Variants in NALF1 observed in about 807,000 individuals in gnomAD.
NALF1 encodes the protein NALCN channel auxiliary factor 1.
NALF1 carries 3 observed loss-of-function variants against 48.4 expected under a neutral mutation model. The ratio of observed to expected loss-of-function variants is 0.06; its 90% CI spans 0.03 to 0.16. NALF1 has a LOEUF of 0.16. NALF1 is among the 10% of genes least tolerant of loss of function. The pLI is 1.00. For missense variants in NALF1, 526 were observed against 571.5 expected, an observed-to-expected ratio of 0.92 and a Z score of 0.81; for synonymous variants, 262 against 245.7, an observed-to-expected ratio of 1.07 and a Z score of -0.62.
intron 2 of NALF1, among the ~76,000 whole-genome samples, chr13:107,180,716 CTTT>C (rs1879043670): frequency 6.6e-6 from 1 of 151,546 alleles, no homozygotes; most frequent in Non-Finnish European, 1.5e-5. Context: ...CTTTGCTGTT[CTTT>C]GACTTTCCAG....
intron 1 of NALF1, among the ~76,000 whole-genome samples, chr13:107,410,921 G>C (rs768759069): frequency 5.9e-5 from 9 of 152,092 alleles, no homozygotes; most frequent in Non-Finnish European, 8.8e-5. Flanking sequence ...CCCAGTTCAC[G>C]GGAGTTCCAC....
intron 1 of NALF1, among the ~76,000 whole-genome samples, chr13:107,444,483 T>C (rs1434186991): frequency 1.3e-5 from 2 of 151,726 alleles, no homozygotes; most frequent in Admixed American, 6.6e-5. Context: ...TATCTTAGTA[T>C]ACTTATTCTA....
chr13:107,500,289 A>C (rs1368353703), intron 1 of NALF1, among the ~76,000 whole-genome samples: 1 of 152,150 alleles, frequency 6.6e-6, no homozygotes, highest in Non-Finnish European at 1.5e-5. Flanking sequence ...ATTTTTTTTT[A>C]ATAGTTCTGG....
chr13:107,319,173 G>A lies in NALF1; in HGVS notation c.916-108418C>T, dbSNP rs149774744. On this transcript the variant is annotated intron_variant, in intron 1 of 2. Transcript: ENST00000375915. ...ATAGGGCTGGGCCAACTGGTCCTCC[G>A]GCCATCATAAACATCCCATCAAAAC... Among the ~76,000 whole-genome samples, 287 of 152,154 alleles carry A rather than the reference G, an allele frequency of 1.9e-3. 1 individual carries two copies. Among genetic ancestry groups the A allele is most frequent in the Non-Finnish European group, 2.4e-3 (160 of 67,990 alleles).
intron 1 of NALF1, among the ~76,000 whole-genome samples, chr13:107,794,811 G>A (rs1878365329): frequency 6.6e-6 from 1 of 152,026 alleles, no homozygotes; most frequent in Admixed American, 6.6e-5. Context: ...GAGTTCTAAT[G>A]TGAACGTTTG....
At chr13:107,458,627 C>T (rs1450014135) in intron 1 of NALF1, among the ~76,000 whole-genome samples, 2 of 152,136 alleles carry the variant, frequency 1.3e-5, no homozygotes, top group East Asian at 3.9e-4. Flanking sequence ...CAACGTTTAA[C>T]AAACCCCTGG....
At chr13:107,669,694 T>C (rs1880947019) in intron 1 of NALF1, among the ~76,000 whole-genome samples, 1 of 152,166 alleles carries the variant, frequency 6.6e-6, no homozygotes, top group African/African-American at 2.4e-5. Flanking sequence ...TAGTGTTTTC[T>C]GTTGATGTTC....
Position 107,232,998 on chromosome 13 carries a change from G to A in NALF1, c.916-22243C>T, listed in dbSNP as rs1204384835. On this transcript the variant is annotated intron_variant, in intron 1 of 2. Transcript: ENST00000375915. ...AGTGTCAGTTGCTAGTTGCAAGATT[G>A]GATCCAAACGGACCACCTTCAGTCC... Among the ~76,000 whole-genome samples, 3 of 152,100 alleles carry A rather than the reference G, an allele frequency of 2.0e-5. No individual in the cohort carries two copies. The East Asian group carries it at 5.8e-4, about 29-fold the overall frequency.
intron 1 of NALF1, among the ~76,000 whole-genome samples, chr13:107,330,756 C>T (rs1882453756): frequency 6.6e-6 from 1 of 152,198 alleles, no homozygotes; most frequent in Non-Finnish European, 1.5e-5. Context: ...CTGCATATTT[C>T]CATTCCAAGT....
rs59079915 is a variant in NALF1, at chr13:107,622,471, C to CA, written c.915+243210dup. ...ACAAACAAACAAACAACAACAACAA[C>CA]AAAAAAAAAAAAACAGAGAGAAAAG... On this transcript the variant is annotated intron_variant, in intron 1 of 2. Transcript: ENST00000375915. Among the ~76,000 whole-genome samples the CA allele has an allele frequency of 7.3e-3, 1,075 of 146,458 alleles. 14 individuals are homozygous for CA. The highest frequency in any genetic ancestry group is 0.024 in the African/African-American group (917 of 39,016).
At chr13:107,593,539 G>T (rs1041469746) in intron 1 of NALF1, among the ~76,000 whole-genome samples, 4 of 151,832 alleles carry the variant, frequency 2.6e-5, no homozygotes, top group African/African-American at 9.7e-5. Flanking sequence ...TAAATGAACA[G>T]TGATAAACAC....
At chr13:107,324,162 A>G (rs1345181485) in intron 1 of NALF1, among the ~76,000 whole-genome samples, 1 of 152,114 alleles carries the variant, frequency 6.6e-6, no homozygotes, top group African/African-American at 2.4e-5. Context: ...GTGGCTTTAG[A>G]GTGTTTTCAT....
intron 1 of NALF1, among the ~76,000 whole-genome samples, chr13:107,830,723 T>C (rs1422131015): frequency 6.6e-6 from 1 of 152,178 alleles, no homozygotes; most frequent in Non-Finnish European, 1.5e-5. Flanking sequence ...CCCCTTCCCA[T>C]ATATTTAAGC....
chr13:107,280,135 T>A (rs370312839), intron 1 of NALF1, among the ~76,000 whole-genome samples: 4 of 152,184 alleles, frequency 2.6e-5, no homozygotes, highest in African/African-American at 9.6e-5. Context: ...ATCCTGCAGA[T>A]AGACTGAACT....
chr13:107,559,722 C>T (rs1427518787), intron 1 of NALF1, among the ~76,000 whole-genome samples: 1 of 152,166 alleles, frequency 6.6e-6, no homozygotes, highest in Admixed American at 6.6e-5. Flanking sequence ...ACAGCAAAAG[C>T]TTTAGGGTTG....
At chr13:107,237,532 G>A (rs1703401451) in intron 1 of NALF1, among the ~76,000 whole-genome samples, 2 of 151,992 alleles carry the variant, frequency 1.3e-5, no homozygotes, top group South Asian at 4.1e-4. Context: ...TATAACCTAA[G>A]TACATCTTTC....
intron 1 of NALF1, among the ~76,000 whole-genome samples, chr13:107,659,385 A>G (rs9583185): frequency 0.57 from 86,379 of 152,014 alleles, 25,460 homozygotes; most frequent in African/African-American, 0.73. Context: ...CTCAAGTAGC[A>G]TGTCTTCCAC....
chr13:107,457,986 A>G (rs1884851937), intron 1 of NALF1, among the ~76,000 whole-genome samples: 1 of 151,562 alleles, frequency 6.6e-6, no homozygotes, highest in African/African-American at 2.4e-5. Flanking sequence ...CAAACACTCC[A>G]CAGCCTGATC....
intron 1 of NALF1, among the ~76,000 whole-genome samples, chr13:107,392,478 C>G (rs1434051257): frequency 6.6e-6 from 1 of 152,122 alleles, no homozygotes; most frequent in Non-Finnish European, 1.5e-5. Flanking sequence ...AGCCCTCTCA[C>G]GCAGCAATTT....
Sources: gnomAD v4.1 joint callset for allele counts (sites outside exome capture counted in the v4.1 genomes callset) on GRCh38, gnomAD v4.1.1 for gene constraint, MANE v1.5 for transcripts, NCBI Gene and HGNC (gene_info 2026-07-23, HGNC 2026-07-21) for gene names.